Variants in PXDNL observed in about 807,000 individuals in gnomAD.
The protein encoded by PXDNL is peroxidasin like.
PXDNL carries 145 observed loss-of-function variants against 150.8 expected under a neutral mutation model. The ratio of observed to expected loss-of-function variants is 0.96; its 90% CI spans 0.84 to 1.10. PXDNL has a LOEUF of 1.10. PXDNL is among the 50% of genes least tolerant of loss of function. The pLI, the probability that PXDNL is intolerant of heterozygous loss-of-function variation, is 0.00. For synonymous variants in PXDNL, 757 were observed against 725.7 expected (o/e 1.04, Z -0.69); for missense variants, 2,087 against 1,873.9 (o/e 1.11, Z -2.10).
chr8:51,516,485 G>A (rs968381072), intron 4 of PXDNL, among the ~76,000 whole-genome samples: 3 of 152,184 alleles, frequency 2.0e-5, no homozygotes, highest in Non-Finnish European at 2.9e-5. Context: ...AAAGTAAGAG[G>A]ATTGATAGTC....
intron 1 of PXDNL, among the ~76,000 whole-genome samples, chr8:51,709,009 C>T (rs887833311): frequency 1.3e-5 from 2 of 151,880 alleles, no homozygotes; most frequent in African/African-American, 4.8e-5. Flanking sequence ...GGGGTTTAAG[C>T]AGAAGACGAG....
intron 2 of PXDNL, among the ~76,000 whole-genome samples, chr8:51,636,205 G>T (rs1814599427): frequency 6.6e-6 from 1 of 152,006 alleles, no homozygotes; most frequent in South Asian, 2.1e-4. Flanking sequence ...GGAAATTTCT[G>T]AACATAATAA....
At chr8:51,541,261 A>T (rs1476004759) in intron 4 of PXDNL, among the ~76,000 whole-genome samples, 1 of 148,580 alleles carries the variant, frequency 6.7e-6, no homozygotes, top group Admixed American at 6.7e-5. Flanking sequence ...CATAAAAAAA[A>T]AAAAAAAAAG....
chr8:51,703,978 C>T (rs372152173), intron 1 of PXDNL, among the ~76,000 whole-genome samples: 46 of 152,100 alleles, frequency 3.0e-4, no homozygotes, highest in African/African-American at 8.9e-4. Flanking sequence ...CAAGTCTTTC[C>T]GACTTGGCAA....
intron 14 of PXDNL, among the ~76,000 whole-genome samples, chr8:51,415,883 A>G (rs1205153951): frequency 6.6e-6 from 1 of 152,216 alleles, no homozygotes; most frequent in Non-Finnish European, 1.5e-5. Flanking sequence ...GGAATCAATC[A>G]ATATAATTAC....
chr8:51,486,794 ATTTTTTTTTTTTT>A (rs1195750381), intron 5 of PXDNL, among the ~76,000 whole-genome samples: 297 of 24,628 alleles, frequency 0.012, no homozygotes, highest in Admixed American at 0.013. Context: ...ATATATATAT[ATTTTTTTTTTTTT>A]TTTTTTTTTT....
intron 10 of PXDNL, 150 bp downstream of exon 10, chr8:51,453,369 C>T (rs1056983481): frequency 1.0e-5 from 9 of 888,282 alleles, no homozygotes; most frequent in African/African-American, 1.7e-5. Flanking sequence ...TAACTTGAAA[C>T]AGATTAGCTT....
At chr8:51,762,962 TTATC>T (rs1404667431) in intron 1 of PXDNL, among the ~76,000 whole-genome samples, 8 of 152,130 alleles carry the variant, frequency 5.3e-5, no homozygotes, top group Non-Finnish European at 1.2e-4. Context: ...TGCATAAAAT[TTATC>T]TATTTAAAAT....
intron 1 of PXDNL, among the ~76,000 whole-genome samples, chr8:51,806,869 T>C (rs1219410823): frequency 6.6e-6 from 1 of 152,168 alleles, no homozygotes; most frequent in Non-Finnish European, 1.5e-5. Flanking sequence ...AGCTTCAGGC[T>C]AGTTGCTATT....
At chr8:51,739,524 A>C (rs1447768147) in intron 1 of PXDNL, among the ~76,000 whole-genome samples, 2 of 152,196 alleles carry the variant, frequency 1.3e-5, no homozygotes, top group Non-Finnish European at 2.9e-5. Flanking sequence ...AATATACTAA[A>C]AACAACTAAA....
chr8:51,768,953 T>A (rs1220657730), intron 1 of PXDNL, among the ~76,000 whole-genome samples: 1 of 152,044 alleles, frequency 6.6e-6, no homozygotes, highest in Admixed American at 6.6e-5. Flanking sequence ...ATGAAAAAAA[T>A]TAGCTGGGAG....
At chr8:51,687,389 T>G (rs10113743) in intron 1 of PXDNL, among the ~76,000 whole-genome samples, 128,015 of 152,232 alleles carry the variant, frequency 0.84, 54,119 homozygotes, top group African/African-American at 0.93. Context: ...TGTTTAAAAA[T>G]TATGTCTATA....
chr8:51,457,030 G>GTTTA (rs1445880130), intron 9 of PXDNL, among the ~76,000 whole-genome samples: 1 of 152,292 alleles, frequency 6.6e-6, no homozygotes, highest in East Asian at 1.9e-4. Flanking sequence ...ATTATGTCTG[G>GTTTA]TTTATATAAG....
At chr8:51,405,509 A>C (rs1808412714) in intron 17 of PXDNL, among the ~76,000 whole-genome samples, 2 of 152,230 alleles carry the variant, frequency 1.3e-5, no homozygotes, top group Admixed American at 1.3e-4. Flanking sequence ...AAGTGATTTA[A>C]AAACAAAGTC....
chr8:51,458,410 T>C (rs933555152), intron 8 of PXDNL, among the ~76,000 whole-genome samples: 7 of 140,430 alleles, frequency 5.0e-5, no homozygotes, highest in Admixed American at 4.7e-4. Context: ...TTACAGATTT[T>C]TTTTCTGGCA....
At chr8:51,699,926 G>A (rs1034025683) in intron 1 of PXDNL, among the ~76,000 whole-genome samples, 2 of 152,062 alleles carry the variant, frequency 1.3e-5, no homozygotes, top group Admixed American at 1.3e-4. Flanking sequence ...AACTACAATA[G>A]CCGCATCAAA....
Position 51,447,014 on chromosome 8 carries a change from T to C in PXDNL, c.1515A>G (p.Val505=), listed in dbSNP as rs1243237594. 6 of 1,613,952 alleles carry C rather than the reference T, an allele frequency of 3.7e-6. No individual in the cohort carries two copies. Among genetic ancestry groups the C allele is most frequent in the Non-Finnish European group, 5.1e-6 (6 of 1,179,868 alleles). The change falls in exon 12 of 23, where the codon GTA becomes GTG. Residue 505 remains valine, a synonymous_variant. Transcript: ENST00000356297. The part of the protein sequence containing the change: ...GVKKVSVQLT[V]KPKALAVFTQ... Reference sequence around the variant, plus strand: ...CACAGTATATATTACCTTTGGGTTTTACAGTCAGCTGCACAGACACCTTTT... The same window carrying C: ...CACAGTATATATTACCTTTGGGTTTCACAGTCAGCTGCACAGACACCTTTT...
At chr8:51,744,953 A>G (rs1563307756) in intron 1 of PXDNL, among the ~76,000 whole-genome samples, 430 of 6,316 alleles carry the variant, frequency 0.068, 22 homozygotes, top group Middle Eastern at 0.25. Flanking sequence ...AGAAAGAAAG[A>G]AAGAAAGAAA....
intron 2 of PXDNL, among the ~76,000 whole-genome samples, chr8:51,621,492 C>A (rs1165495827): frequency 6.9e-6 from 1 of 145,658 alleles, no homozygotes; most frequent in Non-Finnish European, 1.5e-5. Context: ...GTGTGTACAG[C>A]AAAAGCGTTA....
Sources: gnomAD v4.1 joint callset for allele counts (sites outside exome capture counted in the v4.1 genomes callset) on GRCh38, gnomAD v4.1.1 for gene constraint, MANE v1.5 for transcripts, NCBI Gene and HGNC (gene_info 2026-07-23, HGNC 2026-07-21) for gene names.